SLITRK5: variants seen among roughly 807,000 people sequenced by gnomAD.
The protein encoded by SLITRK5 is SLIT and NTRK like family member 5, also known as SLIT and NTRK-like protein 5.
In SLITRK5, 23 loss-of-function variants were observed where a neutral mutation model predicts 56.2. The observed-to-expected ratio is 0.41, with a 90% confidence interval of 0.29 to 0.58. SLITRK5 has a LOEUF of 0.58. Among genes scored for constraint, SLITRK5 ranks in the 20% least tolerant of loss-of-function variants. The probability of loss-of-function intolerance (pLI) is 0.30; values close to 1 mark genes in which losing one functional copy is unlikely to be tolerated. For synonymous variants in SLITRK5, 637 were observed against 531.8 expected, an observed-to-expected ratio of 1.20 and a Z score of -2.72; for missense variants, 1,289 against 1,226.6, an observed-to-expected ratio of 1.05 and a Z score of -0.76.
Position 87,677,896 on chromosome 13 carries a change from C to G in SLITRK5, c.2508C>G (p.Ser836Arg). 6.2e-7 allele frequency: 1 copy of G among 1,613,080 alleles called. No homozygotes were observed. The highest frequency in any genetic ancestry group is 8.5e-7 in the Non-Finnish European group (1 of 1,179,584). ...HHLRSPAYSVSTIEPREDLLS... is the reference protein window; with the variant it reads ...HHLRSPAYSVRTIEPREDLLS... The stretch of plus-strand genomic sequence containing the variant: ...TGCGGAGCCCCGCCTACAGCGTCAG[C>G]ACCATCGAGCCCCGGGAGGACCTGC... The change falls in exon 2 of 2, where the codon AGC becomes AGG. Residue 836 changes from serine to arginine, a missense_variant. By Grantham distance (110) the Ser-to-Arg change is moderately radical. Transcript: ENST00000683689. This position sits in a 1 kb window ranked among gnomAD's most constrained non-coding sequence, Gnocchi z 4.7.
In SLITRK5 at chr13:87,675,602, A is replaced by C. The variant is rs1160997758; in HGVS notation, c.214A>C (p.Ser72Arg). 2 of 1,614,196 alleles carry C rather than the reference A, an allele frequency of 1.2e-6. No homozygotes were observed. The highest frequency in any genetic ancestry group is 1.7e-6 in the Non-Finnish European group (2 of 1,180,038). The change falls in exon 2 of 2, where the codon AGT becomes CGT. Residue 72 changes from serine (S) to arginine (R), a missense_variant. This residue lies in a region of SLITRK5 where 291 missense variants were observed against 286.7 expected (regional missense o/e 1.02). Transcript: ENST00000683689. ...GAGCTGTGAAAACCGGGGGATCATC[A>C]GTCTCTCTGAAATTAGCCCTCCCCG... ...TVSCENRGII[S>R]LSEISPPRFP...
Position 87,677,557 on chromosome 13 carries a change from G to C in SLITRK5, c.2169G>C (p.Thr723=), listed in dbSNP as rs1263295943. ...QYSVYGGGGG[T]GGHPHAHVHH... ...GCGTGTACGGCGGCGGCGGCGGCAC[G>C]GGCGGCCACCCACACGCGCACGTGC... Residue 723 remains threonine, a synonymous_variant, in exon 2 of 2, where the codon ACG becomes ACC. Transcript: ENST00000683689. This position sits in a 1 kb window ranked among gnomAD's most constrained non-coding sequence, Gnocchi z 4.7. 1.2e-6 allele frequency: 2 copies of C among 1,608,370 alleles called. No homozygotes were observed. Among genetic ancestry groups the C allele is most frequent in the Non-Finnish European group, 1.7e-6 (2 of 1,176,664 alleles).
At position 87,677,044 on chromosome 13, in the gene SLITRK5, G is replaced by C. The variant is rs756502033; in HGVS notation, c.1656G>C (p.Leu552=). ...CAGTGAGTGGAGTTTTGGACCAGCT[G>C]AAGTCACTCATCCAAATCGACCTGC... ...SLPVSGVLDQ[L]KSLIQIDLHD... is the part of the protein sequence containing the mutation. The change falls in exon 2 of 2, where the codon CTG becomes CTC. Residue 552 remains leucine (L), a synonymous_variant. Coordinates refer to ENST00000683689, the MANE Select transcript of SLITRK5 (RefSeq NM_001384609.1). The surrounding 1 kb of genome is among the most constrained non-coding windows in gnomAD (Gnocchi z 4.7). 1 of 1,614,108 alleles carries C rather than the reference G, an allele frequency of 6.2e-7. No individual in the cohort carries two copies. Among genetic ancestry groups the C allele is most frequent in the Admixed American group, 1.7e-5 (1 of 60,020 alleles).
In SLITRK5 at chr13:87,678,144, C is replaced by A; in HGVS notation, c.2756C>A (p.Pro919His). ...SRLREPVLYSPPSAVFVEPNR... is the reference protein window; with the variant it reads ...SRLREPVLYSHPSAVFVEPNR... ...CTACGGGAACCGGTGCTCTACAGCCCCCCGAGTGCTGTCTTTGTAGAACCC... is the reference window on the plus strand; with the variant it reads ...CTACGGGAACCGGTGCTCTACAGCCACCCGAGTGCTGTCTTTGTAGAACCC... The change falls in exon 2 of 2, where the codon CCC (proline) becomes CAC (histidine). Residue 919 changes from proline (P) to histidine (H), a missense_variant. Around this residue, in one of 3 missense-constraint regions of SLITRK5, gnomAD observed 985 missense variants for 906.0 expected, o/e 1.09. Transcript: ENST00000683689. The A allele has an allele frequency of 6.2e-7, 1 of 1,614,242 alleles. No homozygotes were observed. Among genetic ancestry groups the A allele is most frequent in the Middle Eastern group, 1.6e-4 (1 of 6,062 alleles).
rs1877284268 is a variant in SLITRK5 at position 87,676,547 on chromosome 13, C to T, written c.1159C>T (p.Leu387=). The T allele has an allele frequency of 6.2e-7, 1 of 1,614,170 alleles. No homozygotes were observed. The highest frequency in any genetic ancestry group is 2.2e-5 in the East Asian group (1 of 44,852). Residue 387 remains leucine, a synonymous_variant, in exon 2 of 2, where the codon CTG becomes TTG. Transcript: ENST00000683689. ...ACSCNLQISD[L]GLNVNCQERK... ...CTCTTGCAACCTGCAGATCTCTGAT[C>T]TGGGCCTCAACGTAAACTGCCAGGA...
intron 1 of SLITRK5, chr13:87,674,377 T>C (rs1169200170): frequency 6.1e-6 from 6 of 985,128 alleles, no homozygotes; most frequent in Non-Finnish European, 7.2e-6. Context: ...ACCTTGCTAT[T>C]ACCGTTGCAA....
chr13:87,677,298 T>A lies in SLITRK5; in HGVS notation c.1910T>A (p.Val637Glu), dbSNP rs770967399. Reference sequence around the variant, plus strand: ...CAGGTCCCTGCGAGGACCAGCGCCGTGACTCCTGCGGTCCGGTTGAATAGC... The same window carrying A: ...CAGGTCCCTGCGAGGACCAGCGCCGAGACTCCTGCGGTCCGGTTGAATAGC... ...SIQVPARTSA[V>E]TPAVRLNSTG... Residue 637 changes from valine (V) to glutamate (E), a missense_variant, in exon 2 of 2, where the codon GTG becomes GAG. Physicochemically the swap from Val to Glu is moderately radical, Grantham distance 121. Transcript: ENST00000683689. This position sits in a 1 kb window ranked among gnomAD's most constrained non-coding sequence, Gnocchi z 4.7. 3.1e-6 allele frequency: 5 copies of A among 1,614,168 alleles called. No individual in the cohort carries two copies. Among genetic ancestry groups the A allele is most frequent in the Non-Finnish European group, 4.2e-6 (5 of 1,180,032 alleles).
At chr13:87,675,350 G>A (rs1381910084) in intron 1 of SLITRK5, 31 bp from the exon 2 acceptor site, 6 of 1,539,118 alleles carry the variant, frequency 3.9e-6, no homozygotes, top group African/African-American at 1.4e-5. Flanking sequence ...GTCATATTCT[G>A]TTATTTCCTT....
In SLITRK5 at chr13:87,672,018, T is replaced by G. The variant is rs1223152375; in HGVS notation, c.-200T>G. On this transcript the variant is annotated 5_prime_UTR_variant, in exon 1 of 2. Coordinates refer to ENST00000683689, the MANE Select transcript of SLITRK5 (RefSeq NM_001384609.1). Reference sequence around the variant, plus strand: ...GCACACCCCCGCGACCCGCTCCCTCTGGCTCGTCCCCCGGCGTGCGCCACT... The same window carrying G: ...GCACACCCCCGCGACCCGCTCCCTCGGGCTCGTCCCCCGGCGTGCGCCACT... Among the ~76,000 whole-genome samples, 3 of 152,016 alleles carry G rather than the reference T, an allele frequency of 2.0e-5. No homozygotes were observed. Among genetic ancestry groups the G allele is most frequent in the African/African-American group, 7.2e-5 (3 of 41,428 alleles).
At position 87,671,927 on chromosome 13, in the gene SLITRK5, C is replaced by G. The variant is rs1423153431; in HGVS notation, c.-291C>G. Among the ~76,000 whole-genome samples the G allele has an allele frequency of 6.6e-6, 1 of 152,110 alleles. No homozygotes were observed. Among genetic ancestry groups the G allele is most frequent in the Non-Finnish European group, 1.5e-5 (1 of 68,032 alleles). ...CGCTGGAGCAGCCGAGGGGCCGGTG[C>G]CACCTTTGCTCGCCCCCTCACTACC... On this transcript the variant is annotated 5_prime_UTR_variant, in exon 1 of 2. Transcript: ENST00000683689.
Position 87,677,769 on chromosome 13 carries a change from A to G in SLITRK5, c.2381A>G (p.Gln794Arg). The G allele has an allele frequency of 6.2e-7, 1 of 1,610,576 alleles. No homozygotes were observed. ...TACAGCAGCAACCACCACCTGCAGC[A>G]GCAGCAGCAGCCGCCGCCGCCACCG... ...VTYSSNHHLQQQQQPPPPPQQ... is the reference protein window; with the variant it reads ...VTYSSNHHLQRQQQPPPPPQQ... Residue 794 changes from glutamine (Q) to arginine (R), a missense_variant, in exon 2 of 2, where the codon CAG becomes CGG. Coordinates refer to ENST00000683689, the MANE Select transcript of SLITRK5 (RefSeq NM_001384609.1). The surrounding 1 kb of genome is among the most constrained non-coding windows in gnomAD (Gnocchi z 4.7).
In SLITRK5 at chr13:87,677,170, G is replaced by A. The variant is rs1877313475; in HGVS notation, c.1782G>A (p.Ala594=). The A allele has an allele frequency of 1.2e-6, 2 of 1,614,176 alleles. No homozygotes were observed. Among genetic ancestry groups the A allele is most frequent in the African/African-American group, 1.3e-5 (1 of 75,044 alleles). The part of the protein sequence containing the change: ...GVLVDEVICK[A]PKKFAETDMR... ...TAGTGGACGAGGTGATCTGTAAGGC[G>A]CCCAAAAAATTCGCTGAGACCGACA... The change falls in exon 2 of 2, where the codon GCG becomes GCA. Residue 594 remains alanine (A), a synonymous_variant. Transcript: ENST00000683689. The surrounding 1 kb of genome is among the most constrained non-coding windows in gnomAD (Gnocchi z 4.7).
intron 1 of SLITRK5, among the ~76,000 whole-genome samples, chr13:87,673,995 C>T (rs915314845): frequency 1.4e-5 from 2 of 139,898 alleles, no homozygotes; most frequent in African/African-American, 5.6e-5. Context: ...CATGCGCGCG[C>T]GCGCACACAC....
Position 87,675,730 on chromosome 13 carries a change from C to G in SLITRK5, c.342C>G (p.Ser114Arg), listed in dbSNP as rs1877243981. 6.2e-7 allele frequency: 1 copy of G among 1,614,126 alleles called. No individual in the cohort carries two copies. The highest frequency in any genetic ancestry group is 8.5e-7 in the Non-Finnish European group (1 of 1,180,034). The change falls in exon 2 of 2, where the codon AGC becomes AGG. Residue 114 changes from serine to arginine, a missense_variant. By Grantham distance (110) the Ser-to-Arg change is moderately radical. This residue lies in a region of SLITRK5 where 291 missense variants were observed against 286.7 expected (regional missense o/e 1.02). Coordinates refer to ENST00000683689, the MANE Select transcript of SLITRK5 (RefSeq NM_001384609.1). Reference sequence around the variant, plus strand: ...GGGCTTCAATTTTGCATCTAGGTAGCAATGTTATCCAGGACATTGAGACCG... The same window carrying G: ...GGGCTTCAATTTTGCATCTAGGTAGGAATGTTATCCAGGACATTGAGACCG... ...YTGASILHLG[S>R]NVIQDIETGA...
Position 87,677,517 on chromosome 13 carries a change from T to G in SLITRK5, c.2129T>G (p.Phe710Cys). Reference protein sequence around the residue: ...TSTNNSDVSSFNMQYSVYGGG... With the variant: ...TSTNNSDVSSCNMQYSVYGGG... ...ACCAACAACTCCGACGTGAGCTCCTTTAACATGCAGTACAGCGTGTACGGC... is the reference window on the plus strand; with the variant it reads ...ACCAACAACTCCGACGTGAGCTCCTGTAACATGCAGTACAGCGTGTACGGC... Residue 710 changes from phenylalanine (F) to cysteine (C), a missense_variant, in exon 2 of 2, where the codon TTT (phenylalanine) becomes TGT (cysteine). By Grantham distance (205) the Phe-to-Cys change is radical. Around this residue, in one of 3 missense-constraint regions of SLITRK5, gnomAD observed 985 missense variants for 906.0 expected, o/e 1.09. Coordinates refer to ENST00000683689, the MANE Select transcript of SLITRK5 (RefSeq NM_001384609.1). The surrounding 1 kb of genome is among the most constrained non-coding windows in gnomAD (Gnocchi z 4.7). The G allele has an allele frequency of 6.2e-7, 1 of 1,612,080 alleles. No homozygotes were observed. Among genetic ancestry groups the G allele is most frequent in the East Asian group, 2.2e-5 (1 of 44,834 alleles).
rs1052587322 is a variant in SLITRK5, at chr13:87,675,445, T to C, written c.57T>C (p.His19=). ...AACAGGACCTTCACAGAAAAATGCA[T>C]AGCTGGATGCTGCAGACTCTAGCGT... ...TLEQDLHRKM[H]SWMLQTLAFA... is the part of the protein sequence containing the mutation. Residue 19 remains histidine (H), a synonymous_variant, in exon 2 of 2, where the codon CAT becomes CAC. Coordinates refer to ENST00000683689, the MANE Select transcript of SLITRK5 (RefSeq NM_001384609.1). 1 of 1,614,226 alleles carries C rather than the reference T, an allele frequency of 6.2e-7. No individual in the cohort carries two copies.
At chr13:87,674,663 C>T (rs1245358511) in intron 1 of SLITRK5, among the ~76,000 whole-genome samples, 1 of 152,102 alleles carries the variant, frequency 6.6e-6, no homozygotes, top group East Asian at 1.9e-4. Context: ...GCAATTAGGA[C>T]GCTGATGTGC....
rs139305230 is a variant in SLITRK5 at position 87,678,423 on chromosome 13, G to A, written c.*158G>A. On this transcript the variant is annotated 3_prime_UTR_variant, in exon 2 of 2. Coordinates refer to ENST00000683689, the MANE Select transcript of SLITRK5 (RefSeq NM_001384609.1). Reference sequence around the variant, plus strand: ...TCGGTGGAAGATACGAAAAGGGTGTGCAATTTCCTTTAAAATTTACACGTG... The same window carrying A: ...TCGGTGGAAGATACGAAAAGGGTGTACAATTTCCTTTAAAATTTACACGTG... 453 of 689,066 alleles carry A rather than the reference G, an allele frequency of 6.6e-4. No homozygotes were observed. The African/African-American group carries it at 7.6e-3, about 12-fold the overall frequency. The allele number at this position is 689,066 out of a possible 1,614,324, so 42.7% of individuals were successfully genotyped here. A position where few individuals can be genotyped will look rare whatever the true frequency, so the allele number is the denominator to read the frequency against.
At position 87,675,888 on chromosome 13, in the gene SLITRK5, T is replaced by C; in HGVS notation, c.500T>C (p.Val167Ala). 6.2e-7 allele frequency: 1 copy of C among 1,614,152 alleles called. No homozygotes were observed. Among genetic ancestry groups the C allele is most frequent in the Non-Finnish European group, 8.5e-7 (1 of 1,180,026 alleles). The change falls in exon 2 of 2, where the codon GTC becomes GCC. Residue 167 changes from valine to alanine, a missense_variant. By Grantham distance (64) the Val-to-Ala change is moderately conservative. Coordinates refer to ENST00000683689, the MANE Select transcript of SLITRK5 (RefSeq NM_001384609.1). ...CAGGTCGATTACAACTACATCAGCG[T>C]CATTGAACCCAATGCTTTTGGGAAA... ...YLQVDYNYIS[V>A]IEPNAFGKLH... is the part of the protein sequence containing the mutation.
Sources: gnomAD v4.1 joint callset for allele counts (sites outside exome capture counted in the v4.1 genomes callset) on GRCh38, gnomAD v4.1.1 for gene constraint, gnomAD v4.1.1 regional missense constraint, Gnocchi (gnomAD v3.1) non-coding constraint, MANE v1.5 for transcripts, NCBI Gene and HGNC (gene_info 2026-07-23, HGNC 2026-07-21) for gene names.